Variants in CYP4X1 observed in about 807,000 individuals in gnomAD.
CYP4X1 encodes cytochrome P450 family 4 subfamily X member 1.
A neutral mutation model predicts 57.9 loss-of-function variants in CYP4X1; 44 were observed. The observed-to-expected ratio is 0.76, with a 90% confidence interval of 0.60 to 0.98. CYP4X1 has a LOEUF of 0.98. Ranked by LOEUF, CYP4X1 falls within the 50% of genes least tolerant of loss-of-function variation. The pLI is 0.00. For synonymous variants in CYP4X1, 227 were observed against 228.6 expected (o/e 0.99, Z 0.06); for missense variants, 532 against 623.9 (o/e 0.85, Z 1.57).
chr1:47,030,505 A>G (rs1196663175), intron 2 of CYP4X1, among the ~76,000 whole-genome samples: 1 of 152,060 alleles, frequency 6.6e-6, no homozygotes, highest in Non-Finnish European at 1.5e-5. Flanking sequence ...CAGTAACTCT[A>G]CCTCTGCTGG....
the CYP4X1 span, among the ~76,000 whole-genome samples, chr1:46,985,840 G>A: frequency 6.6e-6 from 1 of 152,166 alleles, no homozygotes; most frequent in African/African-American, 2.4e-5. Flanking sequence ...AAAGGATGTT[G>A]TCCACACAGA....
upstream of CYP4X1, among the ~76,000 whole-genome samples, chr1:47,019,954 A>G (rs1206499614): frequency 6.6e-6 from 1 of 152,246 alleles, no homozygotes; most frequent in Non-Finnish European, 1.5e-5. Context: ...AGCTTTCAGA[A>G]TAATCTACTA....
chr1:46,983,778 T>C, the CYP4X1 span, among the ~76,000 whole-genome samples: 2 of 152,126 alleles, frequency 1.3e-5, no homozygotes, highest in African/African-American at 4.8e-5. Flanking sequence ...GCATGTCCAT[T>C]ACCTCTGGGA....
chr1:47,034,623 G>T (rs1241379602), intron 4 of CYP4X1, among the ~76,000 whole-genome samples: 1 of 152,104 alleles, frequency 6.6e-6, no homozygotes, highest in African/African-American at 2.4e-5. Context: ...AGTCAGCCAG[G>T]ACTGTGGTAA....
chr1:47,014,970 A>C, the CYP4X1 span, among the ~76,000 whole-genome samples: 42 of 152,260 alleles, frequency 2.8e-4, no homozygotes, highest in Non-Finnish European at 4.4e-4. Flanking sequence ...GGAGAGAAGG[A>C]GGTTAGGGGT....
the CYP4X1 span, among the ~76,000 whole-genome samples, chr1:46,983,786 G>A: frequency 6.3e-4 from 96 of 152,276 alleles, no homozygotes; most frequent in African/African-American, 2.0e-3. Flanking sequence ...ATTACCTCTG[G>A]GAGCTCCAGC....
chr1:47,046,343 G>A (rs1387397343), intron 8 of CYP4X1, 124 bp from the exon 9 acceptor site: 11 of 1,328,412 alleles, frequency 8.3e-6, no homozygotes, highest in Non-Finnish European at 1.1e-5. Context: ...TTAACATTCT[G>A]TTACATAAAC....
intron 3 of CYP4X1, among the ~76,000 whole-genome samples, chr1:47,031,763 C>G (rs890626292): frequency 6.6e-6 from 1 of 152,116 alleles, no homozygotes; most frequent in African/African-American, 2.4e-5. Context: ...CAGCCTTGGC[C>G]AGGCACAGTG....
chr1:47,021,315 C>T (rs1643994112), upstream of CYP4X1, among the ~76,000 whole-genome samples: 1 of 152,084 alleles, frequency 6.6e-6, no homozygotes, highest in Non-Finnish European at 1.5e-5. Context: ...GATTACAGAA[C>T]TTTATTCTCC....
At chr1:46,980,417 C>T in the CYP4X1 span, among the ~76,000 whole-genome samples, 1 of 152,148 alleles carries the variant, frequency 6.6e-6, no homozygotes, top group Non-Finnish European at 1.5e-5. Flanking sequence ...ATCCAACTTA[C>T]AAGGGATGTG....
the CYP4X1 span, chr1:46,961,791 C>T: frequency 7.7e-7 from 1 of 1,296,618 alleles, no homozygotes; most frequent in South Asian, 1.2e-5. Context: ...CCTTGCCCAC[C>T]CCAGACCCTT....
At chr1:47,032,155 C>T (rs1356789759) in intron 3 of CYP4X1, among the ~76,000 whole-genome samples, 2 of 151,972 alleles carry the variant, frequency 1.3e-5, no homozygotes, top group African/African-American at 4.8e-5. Flanking sequence ...TTTTGGAGTT[C>T]CTTTATTTCC....
chr1:46,985,212 C>T, the CYP4X1 span, among the ~76,000 whole-genome samples: 3 of 152,170 alleles, frequency 2.0e-5, no homozygotes, highest in Non-Finnish European at 2.9e-5. Flanking sequence ...CCTGTAGTCC[C>T]AGCTACTCGG....
chr1:47,052,846 CTTTGT>C (rs1212323782), downstream of CYP4X1, among the ~76,000 whole-genome samples: 2 of 151,854 alleles, frequency 1.3e-5, no homozygotes, highest in African/African-American at 2.4e-5. Flanking sequence ...TTATGTTTAT[CTTTGT>C]TTTGTTTTCT....
chr1:46,991,785 G>A, the CYP4X1 span, among the ~76,000 whole-genome samples: 1 of 151,350 alleles, frequency 6.6e-6, no homozygotes, highest in South Asian at 2.1e-4. Flanking sequence ...CGACTCGGAG[G>A]GCACACCTCT....
the CYP4X1 span, among the ~76,000 whole-genome samples, chr1:47,008,259 G>C: frequency 1.3e-5 from 2 of 152,210 alleles, no homozygotes; most frequent in Admixed American, 6.5e-5. Context: ...AGAGAGTGGG[G>C]GCCAATATTC....
At chr1:46,961,583 A>G in the CYP4X1 span, 5 of 1,266,586 alleles carry the variant, frequency 3.9e-6, no homozygotes. Flanking sequence ...GGCTCAGGCT[A>G]TGATGTGGGG....
At chr1:47,046,426 G>A in intron 8 of CYP4X1, 41 bp from the exon 9 acceptor site, 3 of 1,610,438 alleles carry the variant, frequency 1.9e-6, no homozygotes, top group Non-Finnish European at 2.5e-6. Context: ...AAAGTAAACT[G>A]GTTATGATAT....
At chr1:47,008,953 C>T in the CYP4X1 span, among the ~76,000 whole-genome samples, 1 of 152,196 alleles carries the variant, frequency 6.6e-6, no homozygotes, top group South Asian at 2.1e-4. Flanking sequence ...GAGACTTAGA[C>T]TCCCACACAA....
Sources: allele counts gnomAD v4.1 joint callset (sites outside exome capture counted in the v4.1 genomes callset), GRCh38; gene constraint gnomAD v4.1.1; transcripts MANE v1.5; gene names NCBI Gene and HGNC (gene_info 2026-07-23, HGNC 2026-07-21).